The following VANGL1 variants were observed in gnomAD, a reference collection of about 807,000 sequenced individuals.
VANGL1 encodes the protein vang-like protein 1.
VANGL1 carries 18 observed loss-of-function variants against 48.4 expected under a neutral mutation model. The ratio of observed to expected loss-of-function variants is 0.37; its 90% CI spans 0.26 to 0.55. VANGL1 has a LOEUF of 0.55. VANGL1 is among the 20% of genes least tolerant of loss of function. The pLI, the probability that VANGL1 is intolerant of heterozygous loss-of-function variation, is 0.81. For missense variants in VANGL1, 667 were observed against 675.8 expected (o/e 0.99, Z 0.14); for synonymous variants, 257 against 261.8 (o/e 0.98, Z 0.18).
Position 115,651,367 on chromosome 1 carries a change from G to T in VANGL1, c.-47G>T. ...GGTAGGTGAAATTTTCTACCTCTAA[G>T]GAGAAACAGTACCTGCTCCTTCCTC... On this transcript the variant is annotated 5_prime_UTR_variant, in exon 2 of 8. It adds an upstream start codon to the 5' untranslated region. Transcript: ENST00000355485. The T allele has an allele frequency of 1.3e-6, 2 of 1,582,146 alleles. No homozygotes were observed. Among genetic ancestry groups the T allele is most frequent in the East Asian group, 2.2e-5 (1 of 44,624 alleles).
At chr1:115,659,539 G>GTA in intron 2 of VANGL1, 102 bp from the exon 3 acceptor site, 2 of 1,266,742 alleles carry the variant, frequency 1.6e-6, no homozygotes. Context: ...GTGTGTGTGT[G>GTA]TATGTAGAAT....
chr1:115,663,469 A>G (rs1396315371), intron 3 of VANGL1, among the ~76,000 whole-genome samples, 192 bp from the exon 4 acceptor site: 1 of 152,244 alleles, frequency 6.6e-6, no homozygotes, highest in Non-Finnish European at 1.5e-5. Flanking sequence ...TAAATACCTC[A>G]TACATTTTGA....
At chr1:115,646,587 T>C (rs1651922937) in intron 1 of VANGL1, among the ~76,000 whole-genome samples, 1 of 142,246 alleles carries the variant, frequency 7.0e-6, no homozygotes, top group African/African-American at 2.8e-5. Context: ...GGATTTAAAA[T>C]AGATAATTTC....
intron 7 of VANGL1, among the ~76,000 whole-genome samples, chr1:115,687,938 G>GTAGGTAGATAGATAGATAGA (rs756946644): frequency 1.8e-5 from 2 of 112,650 alleles, no homozygotes; most frequent in Non-Finnish European, 3.7e-5. Context: ...CATTCATTAG[G>GTAGGTAGATAGATAGATAGA]TAGATAGATA....
intron 2 of VANGL1, among the ~76,000 whole-genome samples, chr1:115,659,035 T>G (rs1652449334): frequency 6.6e-6 from 1 of 152,076 alleles, no homozygotes; most frequent in African/African-American, 2.4e-5. Context: ...CTTGTTTGTT[T>G]CTATGGGTGT....
At chr1:115,673,800 T>TA (rs922588261) in intron 4 of VANGL1, among the ~76,000 whole-genome samples, 2 of 151,798 alleles carry the variant, frequency 1.3e-5, no homozygotes, top group Non-Finnish European at 2.9e-5. Flanking sequence ...GGGTTTCACT[T>TA]TGTTGGTCAG....
At chr1:115,674,232 G>A (rs1653085921) in intron 4 of VANGL1, among the ~76,000 whole-genome samples, 1 of 152,162 alleles carries the variant, frequency 6.6e-6, no homozygotes, top group African/African-American at 2.4e-5. Context: ...TGCCCCCACT[G>A]TGGATTCCTG....
chr1:115,670,281 G>A (rs368655111), intron 4 of VANGL1, among the ~76,000 whole-genome samples: 6 of 152,328 alleles, frequency 3.9e-5, no homozygotes, highest in African/African-American at 1.4e-4. Flanking sequence ...TACCTAGGCT[G>A]TAGCATTTTG....
chr1:115,648,115 G>A (rs771498835), intron 1 of VANGL1, among the ~76,000 whole-genome samples: 1 of 152,176 alleles, frequency 6.6e-6, no homozygotes, highest in Non-Finnish European at 1.5e-5. Context: ...CAAATTGGAG[G>A]CTAGCCAGCT....
chr1:115,669,594 G>C (rs1490799853), intron 4 of VANGL1, among the ~76,000 whole-genome samples: 1 of 151,604 alleles, frequency 6.6e-6, no homozygotes, highest in Non-Finnish European at 1.5e-5. Context: ...TTTTATAAGA[G>C]GAAACCTTAT....
intron 7 of VANGL1, among the ~76,000 whole-genome samples, chr1:115,690,726 G>A (rs767152190): frequency 3.3e-5 from 5 of 152,206 alleles, no homozygotes; most frequent in Non-Finnish European, 5.9e-5. Context: ...CACAGCCCTG[G>A]CCCTGAGAAA....
In VANGL1 at chr1:115,692,710, T is replaced by C. The variant is rs1189376933; in HGVS notation, c.*1331T>C. 1.3e-5 allele frequency: 2 copies of C among 152,514 alleles called. No homozygotes were observed. Among genetic ancestry groups the C allele is most frequent in the African/African-American group, 2.4e-5 (1 of 41,444 alleles). The allele number at this position is 152,514 out of a possible 1,614,324, so 9.4% of individuals were successfully genotyped here. ...CCTGGGGGAGCAGACACTGACTGGG[T>C]TGTGGGCAGAGGAGCCATCCTGGCG... On this transcript the variant is annotated 3_prime_UTR_variant, in exon 8 of 8. Transcript: ENST00000355485.
chr1:115,685,189 G>A, intron 6 of VANGL1, 104 bp from the exon 7 acceptor site: 7 of 1,228,964 alleles, frequency 5.7e-6, no homozygotes, highest in South Asian at 1.3e-5. Context: ...TGGGCCTTGG[G>A]TATGTTGGCA....
chr1:115,696,637 A>G lies in VANGL1; in HGVS notation c.*5258A>G, dbSNP rs753112550. ...GAATAAAATTAAATTTCAGGGCTCT[A>G]TAAGTCCCGTTTTCCCAGGTCCTGT... On this transcript the variant is annotated 3_prime_UTR_variant, in exon 8 of 8. Coordinates refer to ENST00000355485, the MANE Select transcript of VANGL1 (RefSeq NM_138959.3). 6.6e-6 allele frequency: 1 copy of G among 152,244 alleles called. No homozygotes were observed. The highest frequency in any genetic ancestry group is 1.9e-4 in the East Asian group (1 of 5,204). The allele number at this position is 152,244 out of a possible 1,614,324, so 9.4% of individuals were successfully genotyped here. A position where few individuals can be genotyped will look rare whatever the true frequency, so the allele number is the denominator to read the frequency against.
At chr1:115,688,971 T>C (rs1653739224) in intron 7 of VANGL1, among the ~76,000 whole-genome samples, 1 of 134,810 alleles carries the variant, frequency 7.4e-6, no homozygotes. Context: ...TTTTGTATTT[T>C]TAGTAGAGAC....
intron 4 of VANGL1, among the ~76,000 whole-genome samples, chr1:115,673,520 C>CAT (rs1259259262): frequency 5.9e-5 from 9 of 151,434 alleles, no homozygotes; most frequent in African/African-American, 2.2e-4. Context: ...CTTCGTGTTC[C>CAT]TTTATGGCTG....
Position 115,663,995 on chromosome 1 carries a change from C to T in VANGL1, c.539C>T (p.Pro180Leu), listed in dbSNP as rs1308595319. 2 of 1,614,072 alleles carry T rather than the reference C, an allele frequency of 1.2e-6. No individual in the cohort carries two copies. The highest frequency in any genetic ancestry group is 2.7e-5 in the African/African-American group (2 of 74,932). ...LFFRKRRADMPRVFVFRALLL... is the reference protein window; with the variant it reads ...LFFRKRRADMLRVFVFRALLL... Reference sequence around the variant, plus strand: ...TTCCGCAAGCGGAGAGCTGACATGCCACGGGTGTTTGTGTTTCGTGCCCTT... The same window carrying T: ...TTCCGCAAGCGGAGAGCTGACATGCTACGGGTGTTTGTGTTTCGTGCCCTT... Residue 180 changes from proline to leucine, a missense_variant, in exon 4 of 8, where the codon CCA becomes CTA. Transcript: ENST00000355485.
intron 4 of VANGL1, among the ~76,000 whole-genome samples, chr1:115,675,176 G>T (rs1653116355): frequency 6.6e-6 from 1 of 152,128 alleles, no homozygotes; most frequent in Admixed American, 6.5e-5. Context: ...TCAAGCAAAG[G>T]CTGGATGTCA....
At chr1:115,666,157 A>G (rs1328030474) in intron 4 of VANGL1, among the ~76,000 whole-genome samples, 2 of 152,218 alleles carry the variant, frequency 1.3e-5, no homozygotes, top group Non-Finnish European at 2.9e-5. Context: ...AGTAGCCAAG[A>G]CACTGGCCAG....
Sources: allele counts gnomAD v4.1 joint callset (sites outside exome capture counted in the v4.1 genomes callset), GRCh38; gene constraint gnomAD v4.1.1; transcripts MANE v1.5; gene names NCBI Gene and HGNC (gene_info 2026-07-23, HGNC 2026-07-21).